Variants in CPXM2 observed in about 807,000 individuals in gnomAD.
CPXM2 encodes the protein carboxypeptidase X, M14 family member 2, also known as inactive carboxypeptidase-like protein X2.
CPXM2 carries 66 observed loss-of-function variants against 86.1 expected under a neutral mutation model. The observed-to-expected ratio is 0.77, with a 90% CI of 0.63 to 0.94. The LOEUF (loss-of-function observed/expected upper bound fraction) is 0.94. Among genes scored for constraint, CPXM2 ranks in the 40% least tolerant of loss-of-function variants. The pLI is 0.00. For missense variants in CPXM2, 948 were observed against 1,026.3 expected (o/e 0.92, Z 1.04); for synonymous variants, 388 against 400.2 (o/e 0.97, Z 0.36).
At chr10:123,901,429 T>TTGTGTGTGTG (rs3069582) in intron 2 of CPXM2, among the ~76,000 whole-genome samples, 7,867 of 138,878 alleles carry the variant, frequency 0.057, 298 homozygotes, top group African/African-American at 0.082. Flanking sequence ...CCAAGCAAGT[T>TTGTGTGTGTG]TGTGTGTGTG....
intron 3 of CPXM2, 96 bp from the exon 4 acceptor site, chr10:123,842,584 TAGG>T: frequency 8.0e-7 from 1 of 1,254,396 alleles, no homozygotes; most frequent in African/African-American, 1.5e-5. Flanking sequence ...GGAGGGAGGA[TAGG>T]AGAAGAAAAT....
Position 123,803,743 on chromosome 10 carries a change from C to T in CPXM2, c.654-4544G>A, listed in dbSNP as rs564234793. 4.6e-5 allele frequency among the ~76,000 whole-genome samples: 7 copies of T among 151,988 alleles called. No individual in the cohort carries two copies. The South Asian group carries it at 6.2e-4, about 14-fold the overall frequency. On this transcript the variant is annotated intron_variant, in intron 4 of 13. Coordinates refer to ENST00000241305, the MANE Select transcript of CPXM2 (RefSeq NM_198148.3). ...GTGATGCGATCTCGGCTCACTGCAA[C>T]CTCTGCCTCCTGGGTTCAAGCGATT...
intron 2 of CPXM2, among the ~76,000 whole-genome samples, chr10:123,874,854 G>A (rs991221737): frequency 1.3e-5 from 2 of 152,198 alleles, no homozygotes; most frequent in African/African-American, 4.8e-5. Flanking sequence ...CACACTTGGG[G>A]TTAAGTGGCT....
chr10:123,843,222 G>A, intron 3 of CPXM2: 1 of 448,450 alleles, frequency 2.2e-6, no homozygotes, highest in Non-Finnish European at 4.5e-6. Context: ...GAATAGCTGG[G>A]ACTACAAGCA....
chr10:123,754,572 T>C lies in CPXM2; in HGVS notation c.2017+91A>G, dbSNP rs1846155438. The C allele has an allele frequency of 2.7e-6, 2 of 747,190 alleles. No individual in the cohort carries two copies. The highest frequency in any genetic ancestry group is 2.4e-6 in the Non-Finnish European group (1 of 414,110). 46.3% of individuals were successfully genotyped at this position (747,190 alleles called of 1,614,324 possible). ...AATTTGGCTCTGAGTAAGACATTTCTGGCAGTCATTTCATGATTGTAACCC... is the reference window on the plus strand; with the variant it reads ...AATTTGGCTCTGAGTAAGACATTTCCGGCAGTCATTTCATGATTGTAACCC... On this transcript the variant is annotated intron_variant, in intron 13 of 13. Transcript: ENST00000241305. The surrounding 1 kb of genome is among the most constrained non-coding windows in gnomAD (Gnocchi z 4.0).
chr10:123,746,942 G>A lies in CPXM2; in HGVS notation c.2093C>T (p.Ala698Val). 1 of 1,614,224 alleles carries A rather than the reference G, an allele frequency of 6.2e-7. No individual in the cohort carries two copies. Among genetic ancestry groups the A allele is most frequent in the Non-Finnish European group, 8.5e-7 (1 of 1,180,042 alleles). Residue 698 changes from alanine (A) to valine (V), a missense_variant, in exon 14 of 14, where the codon GCA becomes GTA. By Grantham distance (64) the Ala-to-Val change is moderately conservative. Transcript: ENST00000241305. ...VVTAKAEGFT[A>V]STKNCMVGYD... The stretch of plus-strand genomic sequence containing the variant: ...GCCAACCATACAGTTCTTGGTGGAT[G>A]CAGTGAAACCTTCGGCCTTTGCTGT...
intron 2 of CPXM2, among the ~76,000 whole-genome samples, chr10:123,902,381 T>C (rs1191701814): frequency 6.6e-6 from 1 of 152,184 alleles, no homozygotes; most frequent in Non-Finnish European, 1.5e-5. Context: ...TGTCCTAACC[T>C]GATAGAGAAT....
intron 3 of CPXM2, among the ~76,000 whole-genome samples, chr10:123,852,923 T>C (rs1055840382): frequency 2.0e-5 from 3 of 152,300 alleles, no homozygotes; most frequent in Admixed American, 2.0e-4. Context: ...TAACATACTA[T>C]AATAGTAAAC....
chr10:123,826,850 C>G (rs1261225911), intron 4 of CPXM2, among the ~76,000 whole-genome samples: 1 of 152,052 alleles, frequency 6.6e-6, no homozygotes, highest in African/African-American at 2.4e-5. Context: ...CCAAAAGACA[C>G]AGCTCACAAT....
chr10:123,891,688 G>T lies in CPXM2; in HGVS notation c.-29C>A. The T allele has an allele frequency of 7.5e-7, 1 of 1,331,198 alleles. No homozygotes were observed. The highest frequency in any genetic ancestry group is 9.6e-7 in the Non-Finnish European group (1 of 1,041,592). The allele number at this position is 1,331,198 out of a possible 1,614,324, so 82.5% of individuals were successfully genotyped here. On this transcript the variant is annotated 5_prime_UTR_variant, in exon 1 of 14. Coordinates refer to ENST00000241305, the MANE Select transcript of CPXM2 (RefSeq NM_198148.3). The surrounding 1 kb of genome is among the most constrained non-coding windows in gnomAD (Gnocchi z 5.6). ...TGCTCCGCCCCGCGCCCAGGGCAGG[G>T]TCACGGTCACCGGGGGCGCCGGGCG...
At chr10:123,859,051 C>T (rs555736388) in intron 3 of CPXM2, among the ~76,000 whole-genome samples, 1 of 152,350 alleles carries the variant, frequency 6.6e-6, no homozygotes, top group East Asian at 1.9e-4. Flanking sequence ...GCATCCCAGC[C>T]TGTGAGCCCC....
At chr10:123,802,976 T>C (rs1847491918) in intron 4 of CPXM2, among the ~76,000 whole-genome samples, 1 of 152,092 alleles carries the variant, frequency 6.6e-6, no homozygotes, top group Non-Finnish European at 1.5e-5. Context: ...ACTCAAGTTT[T>C]CCCCCTTTTT....
chr10:123,805,125 A>G (rs1375013338), intron 4 of CPXM2, among the ~76,000 whole-genome samples: 1 of 152,014 alleles, frequency 6.6e-6, no homozygotes, highest in Non-Finnish European at 1.5e-5. Flanking sequence ...TCATTTTCAT[A>G]TATATTGTCT....
At chr10:123,804,356 A>G (rs1248288143) in intron 4 of CPXM2, among the ~76,000 whole-genome samples, 1 of 152,194 alleles carries the variant, frequency 6.6e-6, no homozygotes, top group Non-Finnish European at 1.5e-5. Context: ...ACCTCTTTAC[A>G]GTATTAAATC....
intron 2 of CPXM2, among the ~76,000 whole-genome samples, chr10:123,878,725 T>G (rs1945033942): frequency 6.6e-6 from 1 of 152,046 alleles, no homozygotes; most frequent in Non-Finnish European, 1.5e-5. Flanking sequence ...AAGAAATACG[T>G]TTATTTCTTC....
intron 2 of CPXM2, among the ~76,000 whole-genome samples, chr10:123,923,946 TCA>T (rs1175795311): frequency 2.0e-5 from 3 of 152,332 alleles, no homozygotes; most frequent in Admixed American, 2.0e-4. Flanking sequence ...CTTTTGTAAA[TCA>T]CAGTCTCAGG....
chr10:123,847,153 T>G (rs1410569532), intron 3 of CPXM2, among the ~76,000 whole-genome samples: 1 of 152,180 alleles, frequency 6.6e-6, no homozygotes, highest in Non-Finnish European at 1.5e-5. Flanking sequence ...GATAGCCTCA[T>G]CTTCCAGAAT....
At chr10:123,916,230 T>C (rs775165286) in intron 2 of CPXM2, among the ~76,000 whole-genome samples, 10 of 152,076 alleles carry the variant, frequency 6.6e-5, no homozygotes, top group African/African-American at 9.7e-5. Flanking sequence ...AGGGGCAAAA[T>C]GCTATTATAT....
chr10:123,891,734 G>A lies in CPXM2; in HGVS notation c.-75C>T. ...GGGCGGGCTGCGGGCGCAGAAGCTGGCGCGGGGCAAGGGCGCAGGGCACAG... is the reference window on the plus strand; with the variant it reads ...GGGCGGGCTGCGGGCGCAGAAGCTGACGCGGGGCAAGGGCGCAGGGCACAG... On this transcript the variant is annotated 5_prime_UTR_variant, in exon 1 of 14. Transcript: ENST00000241305. This position sits in a 1 kb window ranked among gnomAD's most constrained non-coding sequence, Gnocchi z 5.6. The A allele has an allele frequency of 1.7e-6, 2 of 1,188,732 alleles. No individual in the cohort carries two copies. Among genetic ancestry groups the A allele is most frequent in the Non-Finnish European group, 2.2e-6 (2 of 927,114 alleles). 73.6% of individuals were successfully genotyped at this position (1,188,732 alleles called of 1,614,324 possible). A position where few individuals can be genotyped will look rare whatever the true frequency, so the allele number is the denominator to read the frequency against.
Sources: allele counts gnomAD v4.1 joint callset (sites outside exome capture counted in the v4.1 genomes callset), GRCh38; gene constraint gnomAD v4.1.1; non-coding constraint Gnocchi (gnomAD v3.1); transcripts MANE v1.5; gene names NCBI Gene and HGNC (gene_info 2026-07-23, HGNC 2026-07-21).